The following MGLL variants were observed in gnomAD, a reference collection of about 807,000 sequenced individuals.
MGLL encodes the protein lysophospholipase homolog.
Under a neutral mutation model 29.1 loss-of-function variants are expected in MGLL, and 7 were observed. That is an observed-to-expected ratio of 0.24 (90% CI 0.14 to 0.45). MGLL has a LOEUF of 0.45. Ranked by LOEUF, MGLL falls within the 20% of genes least tolerant of loss-of-function variation. MGLL has a pLI of 0.99. For missense variants in MGLL, 356 were observed against 413.6 expected, an observed-to-expected ratio of 0.86 and a Z score of 1.21; for synonymous variants, 148 against 168.3, an observed-to-expected ratio of 0.88 and a Z score of 0.93.
chr3:127,767,953 G>A (rs535746104), intron 3 of MGLL, among the ~76,000 whole-genome samples: 7 of 152,172 alleles, frequency 4.6e-5, no homozygotes, highest in South Asian at 2.1e-4. Context: ...CAATACCTTC[G>A]TTTCATAGAT....
Position 127,695,150 on chromosome 3 carries a change from C to A in MGLL, c.641G>T (p.Gly214Val). The change falls in exon 7 of 8, where the codon GGG becomes GTG. Residue 214 changes from glycine (G) to valine (V), a missense_variant. Gly to Val is a moderately radical substitution (Grantham distance 109). Transcript: ENST00000265052. ...YNSDPLICRA[G>V]LKVCFGIQLL... ...TTGGATGCCGAAGCACACCTTCAGC[C>A]CTGCCCGGCAGATCAGGGGGTCTGA... 6.2e-7 allele frequency: 1 copy of A among 1,614,172 alleles called. No homozygotes were observed. Among genetic ancestry groups the A allele is most frequent in the Non-Finnish European group, 8.5e-7 (1 of 1,180,038 alleles).
intron 3 of MGLL, among the ~76,000 whole-genome samples, chr3:127,735,499 CTGAG>C (rs935473677): frequency 3.3e-5 from 5 of 152,328 alleles, no homozygotes; most frequent in Admixed American, 6.5e-5. Context: ...TCACAGAAGA[CTGAG>C]TAAGTATGAC....
intron 3 of MGLL, among the ~76,000 whole-genome samples, chr3:127,734,032 C>T (rs1379201876): frequency 6.6e-6 from 1 of 152,288 alleles, no homozygotes; most frequent in East Asian, 1.9e-4. Context: ...AGCAGGAGGC[C>T]CAGGTCTGAA....
In MGLL at chr3:127,746,995, G is replaced by A. The variant is rs114144560; in HGVS notation, c.263-24429C>T. 5.3e-3 allele frequency among the ~76,000 whole-genome samples: 801 copies of A among 152,318 alleles called. 7 individuals carry two copies. The highest frequency in any genetic ancestry group is 0.018 in the African/African-American group (766 of 41,560). On this transcript the variant is annotated intron_variant, in intron 3 of 7. Coordinates refer to ENST00000265052, the MANE Select transcript of MGLL (RefSeq NM_007283.7). ...AAACAAGTGACTCAGCCCTGTTCTC[G>A]ATTGCTGATGGAGCCACCTGAGGTC...
chr3:127,716,589 C>A (rs1383710016), intron 5 of MGLL, among the ~76,000 whole-genome samples: 1 of 152,262 alleles, frequency 6.6e-6, no homozygotes, highest in African/African-American at 2.4e-5. Flanking sequence ...GATGCACCAT[C>A]ACGCCTGTCA....
chr3:127,758,134 C>A (rs997940084), intron 3 of MGLL, among the ~76,000 whole-genome samples: 1 of 152,160 alleles, frequency 6.6e-6, no homozygotes, highest in Non-Finnish European at 1.5e-5. Flanking sequence ...CACTGGCCAC[C>A]CCCTTTTCCC....
chr3:127,722,678 A>C (rs1576504096), intron 3 of MGLL, 112 bp from the exon 4 acceptor site: 70 of 1,384,680 alleles, frequency 5.1e-5, no homozygotes, highest in East Asian at 7.3e-5. Context: ...TGAATGTGTC[A>C]CCTCATTTAA....
At chr3:127,820,386 C>A (rs997912273) in intron 2 of MGLL, among the ~76,000 whole-genome samples, 1 of 152,160 alleles carries the variant, frequency 6.6e-6, no homozygotes, top group African/African-American at 2.4e-5. Context: ...CCACCACCCT[C>A]CCCCTGTGCC....
intron 6 of MGLL, among the ~76,000 whole-genome samples, chr3:127,705,734 C>T (rs572255318): frequency 1.6e-3 from 236 of 150,970 alleles, no homozygotes; most frequent in African/African-American, 5.5e-3. Flanking sequence ...CAAGATCGCG[C>T]CACTGCACTC....
At chr3:127,707,456 G>A (rs575096479) in intron 6 of MGLL, among the ~76,000 whole-genome samples, 1 of 152,334 alleles carries the variant, frequency 6.6e-6, no homozygotes, top group African/African-American at 2.4e-5. Context: ...TTTTTGGGGT[G>A]GAATGATTAC....
At chr3:127,748,537 G>C (rs1159289270) in intron 3 of MGLL, among the ~76,000 whole-genome samples, 2 of 151,768 alleles carry the variant, frequency 1.3e-5, no homozygotes, top group African/African-American at 4.8e-5. Flanking sequence ...ATGGATACAA[G>C]GTCTTTGCCA....
At chr3:127,817,918 G>C (rs188457716) in intron 2 of MGLL, among the ~76,000 whole-genome samples, 172 of 152,374 alleles carry the variant, frequency 1.1e-3, no homozygotes, top group African/African-American at 3.6e-3. Flanking sequence ...CTCCATCGCC[G>C]TGCTGATAGC....
At chr3:127,822,145 A>T in intron 1 of MGLL, 164 bp downstream of exon 1, 2 of 777,968 alleles carry the variant, frequency 2.6e-6, no homozygotes, top group East Asian at 2.7e-5. Context: ...TTTAGCTGTA[A>T]TCAAGTGGAA....
At chr3:127,724,105 A>C (rs1160173757) in intron 3 of MGLL, among the ~76,000 whole-genome samples, 1 of 152,130 alleles carries the variant, frequency 6.6e-6, no homozygotes, top group Non-Finnish European at 1.5e-5. Context: ...AGCCTCTGGA[A>C]CTGTGAGACA....
At chr3:127,786,535 G>A (rs750677190) in intron 2 of MGLL, among the ~76,000 whole-genome samples, 2 of 152,218 alleles carry the variant, frequency 1.3e-5, no homozygotes, top group African/African-American at 2.4e-5. Flanking sequence ...TGGCCTGCCT[G>A]GCATCCAGCC....
At chr3:127,805,351 A>G (rs887295034) in intron 2 of MGLL, among the ~76,000 whole-genome samples, 13 of 152,320 alleles carry the variant, frequency 8.5e-5, no homozygotes, top group African/African-American at 2.9e-4. Flanking sequence ...ACAATTTCAT[A>G]GGCACAATGA....
intron 3 of MGLL, among the ~76,000 whole-genome samples, chr3:127,723,469 C>T (rs538495770): frequency 2.6e-5 from 4 of 152,114 alleles, no homozygotes; most frequent in Non-Finnish European, 5.9e-5. Flanking sequence ...GCTGCCCAGA[C>T]CTCCAGCTTG....
intron 6 of MGLL, among the ~76,000 whole-genome samples, chr3:127,695,496 G>A (rs377317249): frequency 2.0e-5 from 3 of 152,356 alleles, no homozygotes; most frequent in South Asian, 4.1e-4. Flanking sequence ...AAGCTGAGGC[G>A]GGCGGATCAC....
intron 3 of MGLL, among the ~76,000 whole-genome samples, chr3:127,774,211 C>T (rs985400099): frequency 6.6e-6 from 1 of 152,214 alleles, no homozygotes; most frequent in African/African-American, 2.4e-5. Flanking sequence ...GCCCCTGCCC[C>T]CGGGCCTTTG....
Sources: gnomAD v4.1 joint callset for allele counts (sites outside exome capture counted in the v4.1 genomes callset) on GRCh38, gnomAD v4.1.1 for gene constraint, MANE v1.5 for transcripts, NCBI Gene and HGNC (gene_info 2026-07-23, HGNC 2026-07-21) for gene names.